The following CCNI2 variants were observed in gnomAD, a reference collection of about 807,000 sequenced individuals.
The protein encoded by CCNI2 is cyclin I family member 2, also known as cyclin-I2.
CCNI2 carries 32 observed loss-of-function variants against 33.2 expected under a neutral mutation model. That is an observed-to-expected ratio of 0.96 (90% CI 0.73 to 1.30). CCNI2 has a LOEUF of 1.30. CCNI2 is among the 50% of genes most tolerant of loss of function. The probability of loss-of-function intolerance (pLI) is 0.00; values close to 1 mark genes in which losing one functional copy is unlikely to be tolerated. For synonymous variants in CCNI2, 231 were observed against 219.9 expected, an observed-to-expected ratio of 1.05 and a Z score of -0.45; for missense variants, 452 against 486.2, an observed-to-expected ratio of 0.93 and a Z score of 0.66.
At position 132,747,486 on chromosome 5, in the gene CCNI2, C is replaced by T; in HGVS notation, c.-10C>T. On this transcript the variant is annotated 5_prime_UTR_variant, in exon 1 of 6. Coordinates refer to ENST00000378731, the MANE Select transcript of CCNI2 (RefSeq NM_001039780.4). The surrounding 1 kb of genome is among the most constrained non-coding windows in gnomAD (Gnocchi z 4.1). Reference sequence around the variant, plus strand: ...AAGCGGCAACTCAGACTCAGGATCCCGCTCACGACATGGCCTCGGGCGCTC... The same window carrying T: ...AAGCGGCAACTCAGACTCAGGATCCTGCTCACGACATGGCCTCGGGCGCTC... 1 of 1,452,334 alleles carries T rather than the reference C, an allele frequency of 6.9e-7. No individual in the cohort carries two copies. Among genetic ancestry groups the T allele is most frequent in the Non-Finnish European group, 9.0e-7 (1 of 1,108,158 alleles). 90.0% of individuals were successfully genotyped at this position (1,452,334 alleles called of 1,614,324 possible). A position where few individuals can be genotyped will look rare whatever the true frequency, so the allele number is the denominator to read the frequency against.
intron 2 of CCNI2, 52 bp from the exon 3 acceptor site, chr5:132,749,295 AG>A: frequency 7.3e-7 from 1 of 1,369,862 alleles, no homozygotes; most frequent in Non-Finnish European, 1.0e-6. Flanking sequence ...GATGCTTTTC[AG>A]TTTGTTTCTG....
In CCNI2 at chr5:132,753,013, ACCT is replaced by A; in HGVS notation, c.*47_*49del. 2.0e-6 allele frequency: 3 copies of A among 1,481,532 alleles called. No homozygotes were observed. The highest frequency in any genetic ancestry group is 1.1e-5 in the South Asian group (1 of 87,974). The allele number at this position is 1,481,532 out of a possible 1,614,324, so 91.8% of individuals were successfully genotyped here. On this transcript the variant is annotated 3_prime_UTR_variant, in exon 6 of 6. Coordinates refer to ENST00000378731, the MANE Select transcript of CCNI2 (RefSeq NM_001039780.4). ...CGGGGCTTTCAGAGCATAGTGTGAA[ACCT>A]CCTTGCTTGGACTACCATGAGTTCT...
At chr5:132,748,577 C>G in intron 2 of CCNI2, 102 bp downstream of exon 2, 1 of 1,445,262 alleles carries the variant, frequency 6.9e-7, no homozygotes, top group South Asian at 1.3e-5. Flanking sequence ...TGCTCAAAAC[C>G]AAGGTGTATA....
Position 132,752,893 on chromosome 5 carries a change from A to T in CCNI2, c.1033A>T (p.Lys345Ter). 1.2e-6 allele frequency: 2 copies of T among 1,614,134 alleles called. No homozygotes were observed. The highest frequency in any genetic ancestry group is 2.2e-5 in the South Asian group (2 of 91,074). Residue 345 changes from lysine (K) to a stop codon, truncating the protein, a stop_gained, in exon 6 of 6, where the codon AAG becomes TAG. Transcript: ENST00000378731. LOFTEE classifies it high-confidence loss of function. ...TGGTGATATGCAGTACAGCTGCTGCAAGGAACTTGTAATGCAGCAACTGAG... is the reference window on the plus strand; with the variant it reads ...TGGTGATATGCAGTACAGCTGCTGCTAGGAACTTGTAATGCAGCAACTGAG... Reference protein sequence around the residue: ...QVGDMQYSCCKELVMQQLRSL... With the variant: ...QVGDMQYSCC
Position 132,747,720 on chromosome 5 carries a change from C to T in CCNI2, c.225C>T (p.Pro75=). ...TCCACGCGGCGTCCGCAGCAGTCCCCGTGCGGCCCCGGCGCGGTACGGCGC... is the reference window on the plus strand; with the variant it reads ...TCCACGCGGCGTCCGCAGCAGTCCCTGTGCGGCCCCGGCGCGGTACGGCGC... ...ASLHAASAAV[P]VRPRRGTAPA... is the part of the protein sequence containing the mutation. The change falls in exon 1 of 6, where the codon CCC becomes CCT. Residue 75 remains proline, a synonymous_variant. Coordinates refer to ENST00000378731, the MANE Select transcript of CCNI2 (RefSeq NM_001039780.4). The surrounding 1 kb of genome is among the most constrained non-coding windows in gnomAD (Gnocchi z 4.1). 1.3e-6 allele frequency: 2 copies of T among 1,485,432 alleles called. No individual in the cohort carries two copies. Among genetic ancestry groups the T allele is most frequent in the Non-Finnish European group, 1.8e-6 (2 of 1,125,538 alleles). The allele number at this position is 1,485,432 out of a possible 1,614,324, so 92.0% of individuals were successfully genotyped here.
intron 4 of CCNI2, 147 bp from the exon 5 acceptor site, chr5:132,751,819 C>T: frequency 2.1e-6 from 2 of 958,960 alleles, no homozygotes; most frequent in East Asian, 2.6e-5. Context: ...AAGCCTCAAG[C>T]CCCTTACGGA....
At chr5:132,754,516 A>C, downstream of CCNI2, 2 of 717,494 alleles carry the variant, frequency 2.8e-6, no homozygotes, top group Non-Finnish European at 5.2e-6. Flanking sequence ...ATCCAACTCA[A>C]ACCTCTTGGA....
Position 132,747,991 on chromosome 5 carries a change from C to A in CCNI2, c.429+67C>A. ...CAGGCGGATGTGGCCTCCACCTGCA[C>A]CCGCGCTCGGGTGTTCTGAAACTGG... On this transcript the variant is annotated intron_variant, in intron 1 of 5. Transcript: ENST00000378731. This position sits in a 1 kb window ranked among gnomAD's most constrained non-coding sequence, Gnocchi z 4.1. 1 of 1,335,534 alleles carries A rather than the reference C, an allele frequency of 7.5e-7. No individual in the cohort carries two copies. The highest frequency in any genetic ancestry group is 9.6e-7 in the Non-Finnish European group (1 of 1,038,824). The allele number at this position is 1,335,534 out of a possible 1,614,324, so 82.7% of individuals were successfully genotyped here. A position where few individuals can be genotyped will look rare whatever the true frequency, so the allele number is the denominator to read the frequency against.
In CCNI2 at chr5:132,752,986, CCCGGG is replaced by C. The variant is rs1754994432; in HGVS notation, c.*17_*21del. On this transcript the variant is annotated 3_prime_UTR_variant, in exon 6 of 6. Coordinates refer to ENST00000378731, the MANE Select transcript of CCNI2 (RefSeq NM_001039780.4). ...TGCCAACTAGCCCCTCTGCCTCCAC[CCCGGG>C]GCTTTCAGAGCATAGTGTGAAACCT... 1 of 1,597,110 alleles carries C rather than the reference CCCGGG, an allele frequency of 6.3e-7. No individual in the cohort carries two copies. The highest frequency in any genetic ancestry group is 2.2e-5 in the East Asian group (1 of 44,790).
chr5:132,749,398 T>C lies in CCNI2; in HGVS notation c.609T>C (p.Ala203=), dbSNP rs780626128. The part of the protein sequence containing the change: ...HCATITSLRL[A]AKVNEEEEFI... ...CCACAATTACTTCCTTGAGGCTCGCTGCAAAAGTTAATGAAGAAGAGGAGG... is the reference window on the plus strand; with the variant it reads ...CCACAATTACTTCCTTGAGGCTCGCCGCAAAAGTTAATGAAGAAGAGGAGG... Residue 203 remains alanine (A), a synonymous_variant, in exon 3 of 6, where the codon GCT becomes GCC. Coordinates refer to ENST00000378731, the MANE Select transcript of CCNI2 (RefSeq NM_001039780.4). The C allele has an allele frequency of 1.4e-5, 23 of 1,614,072 alleles. No individual in the cohort carries two copies. Among genetic ancestry groups the C allele is most frequent in the Non-Finnish European group, 1.9e-5 (23 of 1,180,016 alleles).
chr5:132,751,062 C>T, intron 4 of CCNI2, 65 bp downstream of exon 4: 1 of 1,579,752 alleles, frequency 6.3e-7, no homozygotes, highest in Non-Finnish European at 8.6e-7. Context: ...CAGCTGTTTA[C>T]AACATGGGAT....
intron 5 of CCNI2, 89 bp from the exon 6 acceptor site, chr5:132,752,777 G>A (rs1754966097): frequency 1.8e-6 from 2 of 1,112,622 alleles, no homozygotes; most frequent in African/African-American, 1.5e-5. Flanking sequence ...TCCTGAACTT[G>A]CTTCATGCTA....
chr5:132,752,798 A>G (rs1754968548), intron 5 of CCNI2, 68 bp from the exon 6 acceptor site: 1 of 1,390,080 alleles, frequency 7.2e-7, no homozygotes, highest in Non-Finnish European at 1.0e-6. Context: ...ACATTTTGGC[A>G]CTCAATTGCC....
chr5:132,755,443 A>C (rs1045735834), downstream of CCNI2, among the ~76,000 whole-genome samples: 29 of 152,196 alleles, frequency 1.9e-4, no homozygotes, highest in Non-Finnish European at 4.4e-5. Context: ...GCCAAGGAGC[A>C]GGTGTAGCTC....
rs1431921844 is a variant in CCNI2 at position 132,747,731 on chromosome 5, G to A, written c.236G>A (p.Arg79Gln). The A allele has an allele frequency of 3.4e-6, 5 of 1,471,702 alleles. No individual in the cohort carries two copies. Among genetic ancestry groups the A allele is most frequent in the Admixed American group, 4.9e-5 (2 of 40,746 alleles). 91.2% of individuals were successfully genotyped at this position (1,471,702 alleles called of 1,614,324 possible). A position where few individuals can be genotyped will look rare whatever the true frequency, so the allele number is the denominator to read the frequency against. Reference protein sequence around the residue: ...AASAAVPVRPRRGTAPAGKTA... With the variant: ...AASAAVPVRPQRGTAPAGKTA... ...TCCGCAGCAGTCCCCGTGCGGCCCC[G>A]GCGCGGTACGGCGCCAGCCGGGAAA... Residue 79 changes from arginine to glutamine, a missense_variant, in exon 1 of 6, where the codon CGG (arginine) becomes CAG (glutamine). Coordinates refer to ENST00000378731, the MANE Select transcript of CCNI2 (RefSeq NM_001039780.4). This position sits in a 1 kb window ranked among gnomAD's most constrained non-coding sequence, Gnocchi z 4.1.
At chr5:132,755,646 G>A (rs1210950154), downstream of CCNI2, among the ~76,000 whole-genome samples, 1 of 152,202 alleles carries the variant, frequency 6.6e-6, no homozygotes, top group Admixed American at 6.5e-5. Context: ...CCTGGCACTC[G>A]AATATTAGTA....
intron 4 of CCNI2, chr5:132,751,653 TC>T: frequency 2.3e-6 from 1 of 427,258 alleles, no homozygotes; most frequent in Non-Finnish European, 4.1e-6. Flanking sequence ...AAGTAACTTT[TC>T]TGCTACCTTG....
Position 132,747,920 on chromosome 5 carries a change from C to T in CCNI2, c.425C>T (p.Pro142Leu), listed in dbSNP as rs1581114375. Residue 142 changes from proline (P) to leucine (L), a missense_variant, in exon 1 of 6, where the codon CCC becomes CTC. Coordinates refer to ENST00000378731, the MANE Select transcript of CCNI2 (RefSeq NM_001039780.4). This position sits in a 1 kb window ranked among gnomAD's most constrained non-coding sequence, Gnocchi z 4.1. ...REARLWRGGK[P>L]QDEICDAFEE... is the part of the protein sequence containing the mutation. The stretch of plus-strand genomic sequence containing the variant: ...GCGCGCCTGTGGCGGGGCGGCAAAC[C>T]CCAGGTACCCGTCGCTGCCGCGTGG... The T allele has an allele frequency of 2.9e-6, 4 of 1,379,156 alleles. No homozygotes were observed. The East Asian group carries it at 9.0e-5, about 31-fold the overall frequency. 85.4% of individuals were successfully genotyped at this position (1,379,156 alleles called of 1,614,324 possible).
Position 132,747,834 on chromosome 5 carries a change from G to A in CCNI2, c.339G>A (p.Leu113=). 1 of 1,480,670 alleles carries A rather than the reference G, an allele frequency of 6.8e-7. No homozygotes were observed. Among genetic ancestry groups the A allele is most frequent in the East Asian group, 2.9e-5 (1 of 34,638 alleles). 91.7% of individuals were successfully genotyped at this position (1,480,670 alleles called of 1,614,324 possible). A position where few individuals can be genotyped will look rare whatever the true frequency, so the allele number is the denominator to read the frequency against. ...PAPQSRKPRN[L]EGDLDERRLL... The stretch of plus-strand genomic sequence containing the variant: ...CACAGTCCCGCAAGCCGCGCAACCT[G>A]GAAGGCGACCTGGACGAGCGCCGGC... The change falls in exon 1 of 6, where the codon CTG becomes CTA. Residue 113 remains leucine, a synonymous_variant. Coordinates refer to ENST00000378731, the MANE Select transcript of CCNI2 (RefSeq NM_001039780.4). This position sits in a 1 kb window ranked among gnomAD's most constrained non-coding sequence, Gnocchi z 4.1.
Sources: allele counts gnomAD v4.1 joint callset (sites outside exome capture counted in the v4.1 genomes callset), GRCh38; gene constraint gnomAD v4.1.1; non-coding constraint Gnocchi (gnomAD v3.1); transcripts MANE v1.5; gene names NCBI Gene and HGNC (gene_info 2026-07-23, HGNC 2026-07-21).